The following RTL4 variants were observed in gnomAD, a reference collection of about 807,000 sequenced individuals.
RTL4 encodes the protein retrotransposon Gag-like protein 4.
In RTL4, 4 loss-of-function variants were observed where a neutral mutation model predicts 5.3. The observed-to-expected ratio is 0.75, with a 90% CI of 0.37 to 1.72. RTL4 has a LOEUF of 1.72. Ranked by LOEUF, RTL4 falls within the 40% of genes most tolerant of loss-of-function variation. The pLI, the probability that RTL4 is intolerant of heterozygous loss-of-function variation, is 0.04. For synonymous variants in RTL4, 98 were observed against 87.3 expected, an observed-to-expected ratio of 1.12 and a Z score of -0.68; for missense variants, 260 against 227.1, an observed-to-expected ratio of 1.14 and a Z score of -0.93.
chrX:112,360,401 A>G, the RTL4 span, among the ~76,000 whole-genome samples: 1 of 111,486 alleles, frequency 9.0e-6, no homozygotes, highest in Non-Finnish European at 1.9e-5. Context: ...GTTTTAAAGT[A>G]TAAGAGAATA....
At chrX:112,237,297 G>T in the RTL4 span, among the ~76,000 whole-genome samples, 2 of 112,108 alleles carry the variant, frequency 1.8e-5, no homozygotes, top group African/African-American at 6.5e-5. Flanking sequence ...GTTTGTTGAG[G>T]GGGTAAGACA....
the RTL4 span, among the ~76,000 whole-genome samples, chrX:112,370,116 G>A: frequency 8.9e-6 from 1 of 111,821 alleles, no homozygotes; most frequent in South Asian, 3.7e-4. Flanking sequence ...GGGTGAAGAT[G>A]TGAAAGTCAT....
chrX:112,228,630 C>T, the RTL4 span, among the ~76,000 whole-genome samples: 3 of 111,673 alleles, frequency 2.7e-5, no homozygotes, highest in East Asian at 5.6e-4. Context: ...ATTAGATCCC[C>T]AGAACTTATT....
At chrX:112,251,693 G>A in the RTL4 span, among the ~76,000 whole-genome samples, 1 of 111,212 alleles carries the variant, frequency 9.0e-6, no homozygotes. Context: ...AGGATTAGAA[G>A]TGACTCCATA....
At chrX:112,248,226 T>C in the RTL4 span, among the ~76,000 whole-genome samples, 75 of 112,395 alleles carry the variant, frequency 6.7e-4, no homozygotes, top group Middle Eastern at 0.018. Context: ...AGATTCTTTC[T>C]ATAGTCTCTT....
the RTL4 span, among the ~76,000 whole-genome samples, chrX:112,351,230 G>A: frequency 1.8e-5 from 2 of 109,767 alleles, no homozygotes; most frequent in East Asian, 5.7e-4. Flanking sequence ...TGGTCTGAGA[G>A]ACAGTTTGTT....
the RTL4 span, among the ~76,000 whole-genome samples, chrX:112,422,268 T>C: frequency 9.0e-6 from 1 of 111,584 alleles, no homozygotes; most frequent in Non-Finnish European, 1.9e-5. Flanking sequence ...ATAGGCATGC[T>C]TCTAAGTACT....
the RTL4 span, among the ~76,000 whole-genome samples, chrX:112,264,580 A>G: frequency 2.7e-5 from 3 of 112,388 alleles, no homozygotes; most frequent in East Asian, 8.4e-4. Context: ...ATGTATATGT[A>G]TGATAAATAT....
chrX:112,241,266 A>G, the RTL4 span, among the ~76,000 whole-genome samples: 25 of 111,654 alleles, frequency 2.2e-4, no homozygotes, highest in African/African-American at 8.1e-4. Flanking sequence ...AGGAATTGCC[A>G]CACTGTCTCC....
chrX:112,308,373 T>C, the RTL4 span, among the ~76,000 whole-genome samples: 1 of 111,676 alleles, frequency 9.0e-6, no homozygotes, highest in African/African-American at 3.3e-5. Flanking sequence ...AATAAGGATA[T>C]CAAAGGAAAA....
the RTL4 span, among the ~76,000 whole-genome samples, chrX:112,131,341 T>G: frequency 9.0e-6 from 1 of 110,780 alleles, no homozygotes; most frequent in Non-Finnish European, 1.9e-5. Context: ...TGAGTAAATA[T>G]TGCTTGGATA....
chrX:112,408,820 CTT>C, the RTL4 span, among the ~76,000 whole-genome samples: 3 of 112,371 alleles, frequency 2.7e-5, no homozygotes, highest in Non-Finnish European at 3.8e-5. Flanking sequence ...TGGCAGCAGA[CTT>C]TTCAGTGGAA....
chrX:112,201,400 T>TACATACACATCACTTACA, the RTL4 span, among the ~76,000 whole-genome samples: 1 of 111,644 alleles, frequency 9.0e-6, no homozygotes, highest in Non-Finnish European at 1.9e-5. Context: ...ATGTTGTATA[T>TACATACACATCACTTACA]TGTAAGTGAT....
the RTL4 span, among the ~76,000 whole-genome samples, chrX:112,341,806 T>C: frequency 1.8e-5 from 2 of 111,178 alleles, no homozygotes; most frequent in Non-Finnish European, 3.8e-5. Context: ...GGGAGAGCAA[T>C]AGAGGAGTCC....
At chrX:112,431,091 CT>C in the RTL4 span, among the ~76,000 whole-genome samples, 1 of 110,674 alleles carries the variant, frequency 9.0e-6, no homozygotes, top group Non-Finnish European at 1.9e-5. Flanking sequence ...TTTCTGTTTT[CT>C]TTTTTCTCTC....
the RTL4 span, among the ~76,000 whole-genome samples, chrX:112,365,649 A>G: frequency 9.0e-6 from 1 of 111,628 alleles, no homozygotes; most frequent in Admixed American, 9.5e-5. Context: ...GATCTATCTA[A>G]CCCATACATA....
chrX:112,407,496 C>A, the RTL4 span, among the ~76,000 whole-genome samples: 2 of 112,150 alleles, frequency 1.8e-5, no homozygotes, highest in Non-Finnish European at 3.8e-5. Flanking sequence ...TACTAGAACA[C>A]CAGGTAGACT....
At chrX:112,351,706 T>C in the RTL4 span, among the ~76,000 whole-genome samples, 3 of 110,329 alleles carry the variant, frequency 2.7e-5, no homozygotes, top group Admixed American at 9.7e-5. Context: ...CTTTTTTTGT[T>C]TTCCATTTGC....
the RTL4 span, among the ~76,000 whole-genome samples, chrX:112,120,421 C>G: frequency 1.0e-3 from 115 of 110,931 alleles, 1 homozygote; most frequent in East Asian, 0.024. Flanking sequence ...GGACTACAGG[C>G]GCCCGCCACC....
Sources: allele counts gnomAD v4.1 joint callset (sites outside exome capture counted in the v4.1 genomes callset), GRCh38; gene constraint gnomAD v4.1.1; transcripts MANE v1.5; gene names NCBI Gene and HGNC (gene_info 2026-07-23, HGNC 2026-07-21).